DACH1: variants seen among roughly 807,000 people sequenced by gnomAD.
The protein encoded by DACH1 is dachshund family transcription factor 1.
Under a neutral mutation model 54.2 loss-of-function variants are expected in DACH1, and 12 were observed. That is an observed-to-expected ratio of 0.22 (90% CI 0.14 to 0.36). The LOEUF (loss-of-function observed/expected upper bound fraction) is 0.36, where lower values mean the gene tolerates loss of function less well. Among genes scored for constraint, DACH1 ranks in the 10% least tolerant of loss-of-function variants. DACH1 has a pLI of 1.00. For missense variants in DACH1, 805 were observed against 929.8 expected, an observed-to-expected ratio of 0.87 and a Z score of 1.75; for synonymous variants, 386 against 366.2, an observed-to-expected ratio of 1.05 and a Z score of -0.62.
intron 2 of DACH1, among the ~76,000 whole-genome samples, chr13:71,673,608 TG>T (rs964303824): frequency 6.8e-6 from 1 of 146,694 alleles, no homozygotes; most frequent in Non-Finnish European, 1.5e-5. Flanking sequence ...CGGTGCCTGT[TG>T]GGGGGTGTGG....
intron 2 of DACH1, among the ~76,000 whole-genome samples, chr13:71,656,749 C>A (rs1402971288): frequency 6.7e-6 from 1 of 149,694 alleles, no homozygotes; most frequent in Non-Finnish European, 1.5e-5. Context: ...TCAATCTGTA[C>A]CATGGGAAAG....
At chr13:71,732,584 TAA>T (rs768740365) in intron 1 of DACH1, among the ~76,000 whole-genome samples, 5,430 of 110,486 alleles carry the variant, frequency 0.049, 331 homozygotes, top group African/African-American at 0.15. Flanking sequence ...AGACTATTTC[TAA>T]AAAAAAAAAA....
At chr13:71,717,504 TCACACACA>T (rs3221998) in intron 1 of DACH1, among the ~76,000 whole-genome samples, 598 of 142,874 alleles carry the variant, frequency 4.2e-3, no homozygotes, top group Middle Eastern at 0.01. Flanking sequence ...GTGTGTGTAA[TCACACACA>T]CACACACACA....
chr13:71,520,262 G>C (rs568388670), intron 6 of DACH1, among the ~76,000 whole-genome samples: 45 of 151,638 alleles, frequency 3.0e-4, no homozygotes, highest in Admixed American at 9.2e-4. Context: ...ATTATGGTAA[G>C]AATTAGGTGT....
At chr13:71,680,190 T>C (rs1880814010) in intron 2 of DACH1, among the ~76,000 whole-genome samples, 1 of 152,222 alleles carries the variant, frequency 6.6e-6, no homozygotes. Flanking sequence ...AAAATGACGA[T>C]AGTTGCCTTG....
intron 3 of DACH1, among the ~76,000 whole-genome samples, chr13:71,575,323 G>A (rs115540148): frequency 2.0e-3 from 298 of 151,976 alleles, no homozygotes; most frequent in African/African-American, 6.6e-3. Context: ...TCATAGTAGA[G>A]TGCATATTTG....
intron 2 of DACH1, among the ~76,000 whole-genome samples, chr13:71,668,852 G>A (rs1247588267): frequency 6.6e-6 from 1 of 151,930 alleles, no homozygotes; most frequent in Non-Finnish European, 1.5e-5. Context: ...TTGAACCCAG[G>A]AGGCAGAGGT....
intron 2 of DACH1, among the ~76,000 whole-genome samples, chr13:71,676,047 A>G (rs926206349): frequency 3.3e-5 from 5 of 152,186 alleles, no homozygotes; most frequent in Admixed American, 2.0e-4. Context: ...TAAATATGAG[A>G]TTTATTCTTT....
At chr13:71,821,547 T>C (rs916047836) in intron 1 of DACH1, among the ~76,000 whole-genome samples, 4 of 134,786 alleles carry the variant, frequency 3.0e-5, no homozygotes, top group Admixed American at 2.2e-4. Context: ...ATTCAGTTTT[T>C]AATTTCTACA....
intron 1 of DACH1, among the ~76,000 whole-genome samples, chr13:71,699,574 T>G (rs886472895): frequency 1.3e-5 from 2 of 152,176 alleles, no homozygotes; most frequent in African/African-American, 4.8e-5. Flanking sequence ...ATGGGTGGTG[T>G]GTGGTGAGTA....
At chr13:71,753,181 C>T (rs1428685501) in intron 1 of DACH1, among the ~76,000 whole-genome samples, 3 of 152,144 alleles carry the variant, frequency 2.0e-5, no homozygotes, top group Non-Finnish European at 4.4e-5. Context: ...AATGACAGAA[C>T]TCTCTCAATT....
chr13:71,793,718 G>C (rs1886924598), intron 1 of DACH1, among the ~76,000 whole-genome samples: 1 of 152,000 alleles, frequency 6.6e-6, no homozygotes, highest in Non-Finnish European at 1.5e-5. Context: ...GTAGAGATGA[G>C]GTCTCACTAT....
intron 6 of DACH1, among the ~76,000 whole-genome samples, chr13:71,509,887 C>T (rs1880634262): frequency 6.6e-6 from 1 of 152,088 alleles, no homozygotes; most frequent in African/African-American, 2.4e-5. Context: ...GTTAACTATA[C>T]TCTGTTATCT....
intron 3 of DACH1, among the ~76,000 whole-genome samples, chr13:71,585,166 T>A (rs1375605814): frequency 1.3e-5 from 2 of 152,030 alleles, no homozygotes; most frequent in Non-Finnish European, 2.9e-5. Context: ...AAACTTTATA[T>A]CCTCATGGAG....
At chr13:71,827,416 A>T (rs534384217) in intron 1 of DACH1, among the ~76,000 whole-genome samples, 1 of 152,230 alleles carries the variant, frequency 6.6e-6, no homozygotes, top group African/African-American at 2.4e-5. Context: ...CCAAGATGGC[A>T]AAAAACAAAA....
At chr13:71,600,988 A>G (rs1168332109) in intron 3 of DACH1, among the ~76,000 whole-genome samples, 1 of 151,788 alleles carries the variant, frequency 6.6e-6, no homozygotes, top group African/African-American at 2.4e-5. Flanking sequence ...TAGTTCAATC[A>G]TATGGTCTCT....
At position 71,759,335 on chromosome 13, in the gene DACH1, G is replaced by C. The variant is rs528848761; in HGVS notation, c.849-77425C>G. Among the ~76,000 whole-genome samples, 45 of 152,146 alleles carry C rather than the reference G, an allele frequency of 3.0e-4. No homozygotes were observed. The East Asian group carries it at 8.1e-3, about 27-fold the overall frequency. ...AGGGAGCTAAATATTTTAAATATTGGTTTATAAAAGAGTGCCTTTTTTGGG... is the reference window on the plus strand; with the variant it reads ...AGGGAGCTAAATATTTTAAATATTGCTTTATAAAAGAGTGCCTTTTTTGGG... On this transcript the variant is annotated intron_variant, in intron 1 of 10. Transcript: ENST00000613252.
At chr13:71,670,850 T>G (rs992517670) in intron 2 of DACH1, among the ~76,000 whole-genome samples, 1 of 151,974 alleles carries the variant, frequency 6.6e-6, no homozygotes. Flanking sequence ...TTTGATGTAA[T>G]AAAAAGATTA....
At chr13:71,556,385 G>A (rs748836821) in intron 6 of DACH1, among the ~76,000 whole-genome samples, 10 of 152,008 alleles carry the variant, frequency 6.6e-5, no homozygotes, top group African/African-American at 1.9e-4. Flanking sequence ...TTGAAAATAC[G>A]TATTTGCATC....
Sources: allele counts gnomAD v4.1 joint callset (sites outside exome capture counted in the v4.1 genomes callset), GRCh38; gene constraint gnomAD v4.1.1; transcripts MANE v1.5; gene names NCBI Gene and HGNC (gene_info 2026-07-23, HGNC 2026-07-21).